NCKAP5L: variants seen among roughly 807,000 people sequenced by gnomAD.
The protein encoded by NCKAP5L is nck-associated protein 5-like.
In NCKAP5L, 54 loss-of-function variants were observed where a neutral mutation model predicts 103.2. That is an observed-to-expected ratio of 0.52 (90% CI 0.42 to 0.66). NCKAP5L has a LOEUF of 0.66. NCKAP5L is among the 30% of genes least tolerant of loss of function. NCKAP5L has a pLI of 0.00. For missense variants in NCKAP5L, 1,733 were observed against 1,750.6 expected, an observed-to-expected ratio of 0.99 and a Z score of 0.18; for synonymous variants, 762 against 748.6, an observed-to-expected ratio of 1.02 and a Z score of -0.29.
chr12:49,827,757 G>A (rs1042494958), intron 1 of NCKAP5L, among the ~76,000 whole-genome samples: 2 of 152,162 alleles, frequency 1.3e-5, no homozygotes, highest in African/African-American at 4.8e-5. Flanking sequence ...CCTTTGAAGG[G>A]GCTGTTCTCT....
intron 1 of NCKAP5L, among the ~76,000 whole-genome samples, chr12:49,813,151 T>G (rs1331486902): frequency 2.0e-5 from 3 of 152,242 alleles, no homozygotes; most frequent in African/African-American, 4.8e-5. Context: ...TTCCTTTCTC[T>G]TGGGTATATA....
Position 49,797,461 on chromosome 12 carries a change from C to G in NCKAP5L, c.466-67G>C. On this transcript the variant is annotated intron_variant, in intron 7 of 12. Coordinates refer to ENST00000335999, the MANE Select transcript of NCKAP5L (RefSeq NM_001037806.4). This position sits in a 1 kb window ranked among gnomAD's most constrained non-coding sequence, Gnocchi z 4.5. ...GCTGGGATCCAGTTCCAGGCCCAGG[C>G]CCTGGGCTGGCTTAACAGGGAATGC... 2 of 1,270,030 alleles carry G rather than the reference C, an allele frequency of 1.6e-6. No homozygotes were observed. Among genetic ancestry groups the G allele is most frequent in the Non-Finnish European group, 2.2e-6 (2 of 922,804 alleles). The allele number at this position is 1,270,030 out of a possible 1,614,324, so 78.7% of individuals were successfully genotyped here.
chr12:49,795,581 C>T lies in NCKAP5L; in HGVS notation c.2279G>A (p.Arg760Gln), dbSNP rs768154812. ...TGGTGAGACAGGCTCCAGGTCCACC[C>T]GGGCCCCCATGGAGTGAGAGGAGTA... The part of the protein sequence containing the change: ...RVYSSHSMGA[R>Q]VDLEPVSPRS... The change falls in exon 8 of 13, where the codon CGG becomes CAG. Residue 760 changes from arginine to glutamine, a missense_variant. Transcript: ENST00000335999. 62 of 1,556,440 alleles carry T rather than the reference C, an allele frequency of 4.0e-5. No individual in the cohort carries two copies. The highest frequency in any genetic ancestry group is 8.2e-5 in the African/African-American group (6 of 73,012).
intron 1 of NCKAP5L, among the ~76,000 whole-genome samples, chr12:49,807,050 C>T (rs1046946753): frequency 7.2e-5 from 11 of 152,136 alleles, no homozygotes; most frequent in African/African-American, 2.2e-4. Flanking sequence ...CAGGGGTCTC[C>T]GCTATAGGGG....
At chr12:49,821,238 G>A (rs1021794716) in intron 1 of NCKAP5L, among the ~76,000 whole-genome samples, 1 of 152,158 alleles carries the variant, frequency 6.6e-6, no homozygotes, top group African/African-American at 2.4e-5. Context: ...CAGAGGAAGT[G>A]AGAAGCAAAC....
At chr12:49,794,707 C>G (rs139171848) in intron 8 of NCKAP5L, 58 bp downstream of exon 8, 10 of 1,340,772 alleles carry the variant, frequency 7.5e-6, no homozygotes, top group Admixed American at 3.2e-5. Flanking sequence ...GGTGTGCCCA[C>G]GAAGGGAAAA....
Position 49,795,196 on chromosome 12 carries a change from C to A in NCKAP5L, c.2664G>T (p.Met888Ile). ...GCAGCACGTTCTCCTCAATGCCCTTCATCACCTTCTCCTCGATGGCTGAGT... is the reference window on the plus strand; with the variant it reads ...GCAGCACGTTCTCCTCAATGCCCTTAATCACCTTCTCCTCGATGGCTGAGT... ...APHSAIEEKVMKGIEENVLRL... is the reference protein window; with the variant it reads ...APHSAIEEKVIKGIEENVLRL... The change falls in exon 8 of 13, where the codon ATG becomes ATT. Residue 888 changes from methionine (M) to isoleucine (I), a missense_variant. Met to Ile is a conservative substitution (Grantham distance 10, BLOSUM62 1). Coordinates refer to ENST00000335999, the MANE Select transcript of NCKAP5L (RefSeq NM_001037806.4). The A allele has an allele frequency of 6.3e-7, 1 of 1,588,842 alleles. No individual in the cohort carries two copies.
intron 1 of NCKAP5L, among the ~76,000 whole-genome samples, chr12:49,826,213 G>C (rs1946414888): frequency 6.6e-6 from 1 of 152,152 alleles, no homozygotes. Context: ...GAGGGCGGGT[G>C]GGTGAGTATG....
In NCKAP5L at chr12:49,796,934, T is replaced by A. The variant is rs377316096; in HGVS notation, c.926A>T (p.Asn309Ile). The change falls in exon 8 of 13, where the codon AAT (asparagine) becomes ATT (isoleucine). Residue 309 changes from asparagine to isoleucine, a missense_variant. Asn to Ile is a moderately radical substitution (Grantham distance 149, BLOSUM62 -3). Transcript: ENST00000335999. ...SSSSDEAGDPNEAPSPDTLLG... is the reference protein window; with the variant it reads ...SSSSDEAGDPIEAPSPDTLLG... ...CAGGGTGTCGGGGCTGGGTGCCTCA[T>A]TGGGGTCACCTGCCTCATCAGAAGA... 1.8e-5 allele frequency: 29 copies of A among 1,606,678 alleles called. No individual in the cohort carries two copies. The highest frequency in any genetic ancestry group is 2.4e-5 in the Non-Finnish European group (28 of 1,177,204).
Position 49,802,890 on chromosome 12 carries a change from C to T in NCKAP5L, c.231+68G>A. ...GGCAACAGCCCATGTCCTCCAAGCCCTTAGTCTCCAGGAAGGGTCTCATCT... is the reference window on the plus strand; with the variant it reads ...GGCAACAGCCCATGTCCTCCAAGCCTTTAGTCTCCAGGAAGGGTCTCATCT... On this transcript the variant is annotated intron_variant, in intron 5 of 12. Coordinates refer to ENST00000335999, the MANE Select transcript of NCKAP5L (RefSeq NM_001037806.4). 2.6e-6 allele frequency: 4 copies of T among 1,532,824 alleles called. No homozygotes were observed. In the African/African-American group the frequency reaches 4.1e-5, roughly 16 times the overall value. 95.0% of individuals were successfully genotyped at this position (1,532,824 alleles called of 1,614,324 possible).
Position 49,803,977 on chromosome 12 carries a change from C to T in NCKAP5L, c.68G>A (p.Gly23Asp). Residue 23 changes from glycine to aspartate, a missense_variant, in exon 3 of 13, where the codon GGC (glycine) becomes GAC (aspartate). By Grantham distance (94) the Gly-to-Asp change is moderately conservative. Transcript: ENST00000335999. ...GNPRPGEGDD[G>D]SMEPGTCQEL... is the part of the protein sequence containing the mutation. ...CTGGCAGGTGCCTGGCTCCATGCTG[C>T]CATCATCACCCTCTCCTGGCCTTGG... 6.2e-7 allele frequency: 1 copy of T among 1,612,266 alleles called. No homozygotes were observed. Among genetic ancestry groups the T allele is most frequent in the Non-Finnish European group, 8.5e-7 (1 of 1,179,966 alleles).
At position 49,792,271 on chromosome 12, in the gene NCKAP5L, G is replaced by T; in HGVS notation, c.3792+175C>A. On this transcript the variant is annotated intron_variant, in intron 12 of 12. Transcript: ENST00000335999. This position sits in a 1 kb window ranked among gnomAD's most constrained non-coding sequence, Gnocchi z 4.5. ...AGAAACCTTTCCCCACGAGAGAAGT[G>T]CAAGGAGGGCAGTGGGGAGGGCCGC... The T allele has an allele frequency of 7.6e-7, 1 of 1,315,010 alleles. No individual in the cohort carries two copies. The highest frequency in any genetic ancestry group is 1.1e-6 in the Non-Finnish European group (1 of 944,560). The allele number at this position is 1,315,010 out of a possible 1,614,324, so 81.5% of individuals were successfully genotyped here. A position where few individuals can be genotyped will look rare whatever the true frequency, so the allele number is the denominator to read the frequency against.
At chr12:49,803,793 C>T in intron 3 of NCKAP5L, 129 bp downstream of exon 3, 4 of 1,252,144 alleles carry the variant, frequency 3.2e-6, no homozygotes, top group South Asian at 1.5e-5. Context: ...TAGCCTCCTG[C>T]CTGGCAAAGC....
chr12:49,828,103 G>A (rs969845976), intron 1 of NCKAP5L, among the ~76,000 whole-genome samples: 53 of 152,046 alleles, frequency 3.5e-4, no homozygotes, highest in Admixed American at 3.9e-4. Flanking sequence ...GGTGGGGTGG[G>A]GGTGCACAGA....
At position 49,792,545 on chromosome 12, in the gene NCKAP5L, G is replaced by C. The variant is rs201372374; in HGVS notation, c.3693C>G (p.Ala1231=). 3 of 1,613,818 alleles carry C rather than the reference G, an allele frequency of 1.9e-6. No homozygotes were observed. The highest frequency in any genetic ancestry group is 2.5e-6 in the Non-Finnish European group (3 of 1,179,822). ...TAGTATTGGGGAAGGTCCAGTTCTT[G>C]GCCAGCTGGACAGGAGGGGTGGGGC... ...DPGPTPPVQL[A]KNWTFPNTRA... The change falls in exon 12 of 13, where the codon GCC becomes GCG. Residue 1231 remains alanine, a synonymous_variant. Transcript: ENST00000335999. The surrounding 1 kb of genome is among the most constrained non-coding windows in gnomAD (Gnocchi z 4.5).
At position 49,795,361 on chromosome 12, in the gene NCKAP5L, C is replaced by T. The variant is rs376744542; in HGVS notation, c.2499G>A (p.Pro833=). 37 of 1,547,156 alleles carry T rather than the reference C, an allele frequency of 2.4e-5. No homozygotes were observed. The Admixed American group carries it at 3.4e-4, about 14-fold the overall frequency. ...GCTTGGGGGACTCCTTGGTGACTAG[C>T]GGAGCCCCAGGTCGAGGCACCACCT... ...PTKVVPRPGA[P]LVTKESPKPD... is the part of the protein sequence containing the mutation. The change falls in exon 8 of 13, where the codon CCG becomes CCA. Residue 833 remains proline, a synonymous_variant. Transcript: ENST00000335999.
At chr12:49,798,045 G>A (rs573886376) in intron 7 of NCKAP5L, among the ~76,000 whole-genome samples, 1 of 152,306 alleles carries the variant, frequency 6.6e-6, no homozygotes, top group South Asian at 2.1e-4. Context: ...GCTTCATTGT[G>A]TCATCTGTAA....
At position 49,801,961 on chromosome 12, in the gene NCKAP5L, G is replaced by A. The variant is rs745993654; in HGVS notation, c.238C>T (p.Arg80Ter). 1.9e-6 allele frequency: 3 copies of A among 1,613,682 alleles called. No individual in the cohort carries two copies. The highest frequency in any genetic ancestry group is 1.1e-5 in the South Asian group (1 of 91,070). Residue 80 changes from arginine to a stop codon, truncating the protein, a stop_gained, in exon 6 of 13, where the codon CGA becomes TGA. Coordinates refer to ENST00000335999, the MANE Select transcript of NCKAP5L (RefSeq NM_001037806.4). LOFTEE classifies it high-confidence loss of function. ...VQALLNQKDL[R>*]EECIKLKKRV... ...TTCTTCAGCTTGATGCACTCCTCTCGCAGGTCCTGCCGCCCACCCCGGGAA... is the reference window on the plus strand; with the variant it reads ...TTCTTCAGCTTGATGCACTCCTCTCACAGGTCCTGCCGCCCACCCCGGGAA...
At chr12:49,820,816 T>C (rs1946353048) in intron 1 of NCKAP5L, among the ~76,000 whole-genome samples, 1 of 152,154 alleles carries the variant, frequency 6.6e-6, no homozygotes, top group Non-Finnish European at 1.5e-5. Context: ...CTGCTCTTGT[T>C]TGTGATCACA....
Sources: allele counts gnomAD v4.1 joint callset (sites outside exome capture counted in the v4.1 genomes callset), GRCh38; gene constraint gnomAD v4.1.1; non-coding constraint Gnocchi (gnomAD v3.1); transcripts MANE v1.5; gene names NCBI Gene and HGNC (gene_info 2026-07-23, HGNC 2026-07-21).